DMXL2: variants seen among roughly 807,000 people sequenced by gnomAD.
DMXL2 encodes dmX-like protein 2.
In DMXL2, 103 loss-of-function variants were observed where a neutral mutation model predicts 331.1. The observed-to-expected ratio is 0.31, with a 90% CI of 0.27 to 0.37. The LOEUF (loss-of-function observed/expected upper bound fraction) is 0.37. Ranked by LOEUF, DMXL2 falls within the 10% of genes least tolerant of loss-of-function variation. The probability of loss-of-function intolerance (pLI) is 1.00; values close to 1 mark genes in which losing one functional copy is unlikely to be tolerated. For synonymous variants in DMXL2, 1,281 were observed against 1,252.1 expected (o/e 1.02, Z -0.49); for missense variants, 3,171 against 3,642.9 (o/e 0.87, Z 3.33).
intron 8 of DMXL2, among the ~76,000 whole-genome samples, chr15:51,544,272 T>G (rs939771175): frequency 1.3e-5 from 2 of 152,120 alleles, no homozygotes; most frequent in South Asian, 2.1e-4. Context: ...GCCTTTGCAA[T>G]AGCGAGTGAG....
rs368031898 is a variant in DMXL2, at chr15:51,499,804, G to T, written c.3420C>A (p.Ser1140Arg). ...KVGSVLDSRV[S>R]VDSNLFVYSK... ...TATACACAAACAGATTACTGTCGAC[G>T]CTGACCCTTGAATCAAGTACACTCC... Residue 1140 changes from serine to arginine, a missense_variant, in exon 18 of 44, where the codon AGC (serine) becomes AGA (arginine). By Grantham distance (110) the Ser-to-Arg change is moderately radical. This residue lies in a region of DMXL2 where 1,674 missense variants were observed against 1,780.2 expected (regional missense o/e 0.94). Coordinates refer to ENST00000560891, the MANE Select transcript of DMXL2 (RefSeq NM_001378457.1). 3.4e-5 allele frequency: 55 copies of T among 1,613,948 alleles called. No homozygotes were observed. Among genetic ancestry groups the T allele is most frequent in the Non-Finnish European group, 4.7e-5 (55 of 1,180,002 alleles).
chr15:51,609,130 T>C (rs1480908853), intron 1 of DMXL2, among the ~76,000 whole-genome samples: 59 of 152,112 alleles, frequency 3.9e-4, no homozygotes, highest in Non-Finnish European at 1.2e-4. Flanking sequence ...CTAGAGTAAC[T>C]AGCAAAAGAA....
chr15:51,581,046 T>C (rs753905794), intron 1 of DMXL2, among the ~76,000 whole-genome samples: 4 of 152,108 alleles, frequency 2.6e-5, no homozygotes, highest in Admixed American at 6.6e-5. Flanking sequence ...ACAATAAAGA[T>C]ATTGCTGCTT....
intron 23 of DMXL2, among the ~76,000 whole-genome samples, chr15:51,482,235 A>T (rs2140374979): frequency 6.6e-6 from 1 of 152,320 alleles, no homozygotes; most frequent in African/African-American, 2.4e-5. Flanking sequence ...ATTTGACTGT[A>T]CATCCTTAGC....
At chr15:51,551,449 G>GT (rs1228728329) in intron 6 of DMXL2, among the ~76,000 whole-genome samples, 1 of 152,158 alleles carries the variant, frequency 6.6e-6, no homozygotes, top group African/African-American at 2.4e-5. Context: ...CCTGTAGTTT[G>GT]TATCAAGCTA....
chr15:51,539,571 G>A (rs1378483970), intron 9 of DMXL2, among the ~76,000 whole-genome samples: 2 of 152,122 alleles, frequency 1.3e-5, no homozygotes, highest in Non-Finnish European at 2.9e-5. Context: ...CACTTCTGAA[G>A]GCCAAGGCGG....
intron 27 of DMXL2, 70 bp downstream of exon 27, chr15:51,476,519 T>A (rs2041594053): frequency 6.5e-7 from 1 of 1,541,880 alleles, no homozygotes; most frequent in African/African-American, 1.4e-5. Flanking sequence ...AGCAGGAAAC[T>A]GGTCAGTAGG....
At chr15:51,606,349 G>A (rs1042456070) in intron 1 of DMXL2, among the ~76,000 whole-genome samples, 34 of 151,488 alleles carry the variant, frequency 2.2e-4, no homozygotes, top group African/African-American at 7.2e-4. Context: ...CTGGGACGAC[G>A]CTATGCCCAG....
intron 11 of DMXL2, 26 bp downstream of exon 11, chr15:51,537,462 A>G (rs1479589717): frequency 1.9e-6 from 3 of 1,563,820 alleles, no homozygotes; most frequent in East Asian, 4.6e-5. Flanking sequence ...AAGAAATGTA[A>G]TAACTATTTC....
chr15:51,455,999 T>C (rs2039585519), intron 39 of DMXL2, 67 bp downstream of exon 39: 1 of 1,573,004 alleles, frequency 6.4e-7, no homozygotes, highest in African/African-American at 1.4e-5. Context: ...GATGCACTTT[T>C]ATCACTTACT....
At chr15:51,510,400 C>G (rs1230122380) in intron 15 of DMXL2, among the ~76,000 whole-genome samples, 1 of 152,112 alleles carries the variant, frequency 6.6e-6, no homozygotes, top group African/African-American at 2.4e-5. Flanking sequence ...ACAAGCATTC[C>G]TATACACCAA....
chr15:51,561,984 A>G (rs2050000559), intron 6 of DMXL2, among the ~76,000 whole-genome samples: 1 of 152,236 alleles, frequency 6.6e-6, no homozygotes, highest in South Asian at 2.1e-4. Flanking sequence ...CTAAAAAAGG[A>G]GATGAAGAGA....
chr15:51,598,216 T>C (rs2052967073), intron 1 of DMXL2, among the ~76,000 whole-genome samples: 1 of 152,180 alleles, frequency 6.6e-6, no homozygotes, highest in Non-Finnish European at 1.5e-5. Flanking sequence ...AGTTGTAAAT[T>C]TATACAGTTA....
intron 15 of DMXL2, among the ~76,000 whole-genome samples, chr15:51,511,902 A>C (rs1384149245): frequency 6.6e-6 from 1 of 152,200 alleles, no homozygotes; most frequent in Non-Finnish European, 1.5e-5. Flanking sequence ...GACATGGATG[A>C]AGCTGGAAAC....
chr15:51,481,090 T>G lies in DMXL2; in HGVS notation c.6016A>C (p.Lys2006Gln). The G allele has an allele frequency of 6.2e-7, 1 of 1,613,634 alleles. No homozygotes were observed. The highest frequency in any genetic ancestry group is 8.5e-7 in the Non-Finnish European group (1 of 1,179,646). The change falls in exon 24 of 44, where the codon AAA (lysine) becomes CAA (glutamine). Residue 2006 changes from lysine to glutamine, a missense_variant. Transcript: ENST00000560891. ...LVMKSTDARE[K>Q]DKQSDQKASD... The stretch of plus-strand genomic sequence containing the variant: ...GCCTTCTGATCTGATTGTTTATCTT[T>G]TTCCCTGGCATCTGTACTTTTCATC...
chr15:51,514,810 G>C (rs1234283539), intron 14 of DMXL2, among the ~76,000 whole-genome samples: 8 of 138,670 alleles, frequency 5.8e-5, no homozygotes, highest in Non-Finnish European at 1.6e-5. Flanking sequence ...CAAATCAACA[G>C]GTTTGCTTCT....
intron 37 of DMXL2, among the ~76,000 whole-genome samples, chr15:51,457,003 C>T (rs1278989727): frequency 6.6e-6 from 1 of 152,106 alleles, no homozygotes; most frequent in African/African-American, 2.4e-5. Flanking sequence ...GAAACCCCAT[C>T]CCTACAAAAA....
intron 8 of DMXL2, among the ~76,000 whole-genome samples, chr15:51,542,838 T>TA (rs77645309): frequency 6.3e-4 from 90 of 143,544 alleles, no homozygotes; most frequent in Admixed American, 1.2e-3. Flanking sequence ...GTCATAAGAG[T>TA]AAAAAAAAAA....
intron 15 of DMXL2, among the ~76,000 whole-genome samples, chr15:51,510,818 C>T (rs1000448212): frequency 1.3e-5 from 2 of 152,170 alleles, no homozygotes; most frequent in Non-Finnish European, 1.5e-5. Flanking sequence ...GTAACAAAAA[C>T]AGCATGGTAC....
Sources: allele counts gnomAD v4.1 joint callset (sites outside exome capture counted in the v4.1 genomes callset), GRCh38; gene constraint gnomAD v4.1.1; regional missense constraint gnomAD v4.1.1; transcripts MANE v1.5; gene names NCBI Gene and HGNC (gene_info 2026-07-23, HGNC 2026-07-21).